Variants in TFG observed in about 807,000 individuals in gnomAD.
TFG encodes trafficking from ER to golgi regulator.
TFG carries 22 observed loss-of-function variants against 51.4 expected under a neutral mutation model. The observed-to-expected ratio is 0.43, with a 90% CI of 0.31 to 0.61. The LOEUF is 0.61. Ranked by LOEUF, TFG falls within the 20% of genes least tolerant of loss-of-function variation. The pLI is 0.12. For synonymous variants in TFG, 187 were observed against 165.6 expected (o/e 1.13, Z -0.99); for missense variants, 419 against 487.7 (o/e 0.86, Z 1.33).
intron 3 of TFG, among the ~76,000 whole-genome samples, chr3:100,720,850 TAC>T (rs1346841829): frequency 6.6e-6 from 1 of 152,240 alleles, no homozygotes; most frequent in African/African-American, 2.4e-5. Context: ...TAGAAAAGAT[TAC>T]AGAGTTAAAT....
At chr3:100,738,725 A>G (rs895464313) in intron 6 of TFG, among the ~76,000 whole-genome samples, 6 of 152,204 alleles carry the variant, frequency 3.9e-5, no homozygotes, top group South Asian at 2.1e-4. Flanking sequence ...AAATTGTACA[A>G]TTAATATGTG....
intron 5 of TFG, 144 bp downstream of exon 5, chr3:100,732,816 T>A: frequency 7.9e-6 from 5 of 631,458 alleles, no homozygotes; most frequent in Non-Finnish European, 1.3e-5. Flanking sequence ...TTTTTACATA[T>A]GTGTACACTT....
At chr3:100,715,134 G>T (rs1407811245) in intron 2 of TFG, among the ~76,000 whole-genome samples, 1 of 152,166 alleles carries the variant, frequency 6.6e-6, no homozygotes. Context: ...ATCACTAACA[G>T]TTTTTTCTCT....
intron 6 of TFG, among the ~76,000 whole-genome samples, chr3:100,741,606 C>T (rs909268235): frequency 1.3e-5 from 2 of 152,022 alleles, no homozygotes; most frequent in Admixed American, 1.3e-4. Context: ...GTAGTATAGC[C>T]TAAGTGTATA....
At chr3:100,735,616 T>C (rs2095104252) in intron 5 of TFG, among the ~76,000 whole-genome samples, 1 of 152,210 alleles carries the variant, frequency 6.6e-6, no homozygotes, top group Non-Finnish European at 1.5e-5. Context: ...AACCTATGCT[T>C]TTAACCACTC....
chr3:100,709,634 T>C lies in TFG; in HGVS notation c.-131T>C, dbSNP rs2095023429. 6.6e-6 allele frequency: 1 copy of C among 150,570 alleles called. No homozygotes were observed. The highest frequency in any genetic ancestry group is 1.5e-5 in the Non-Finnish European group (1 of 67,638). The allele number at this position is 150,570 out of a possible 1,614,324, so 9.3% of individuals were successfully genotyped here. ...AACCGAGGGGGCCGTGACCACCGCC[T>C]CCCCGCGACGCCCCAGTCCAGTGGC... On this transcript the variant is annotated 5_prime_UTR_variant, in exon 1 of 8. Transcript: ENST00000240851.
intron 2 of TFG, among the ~76,000 whole-genome samples, chr3:100,718,504 G>T (rs939201971): frequency 3.4e-5 from 5 of 146,908 alleles, no homozygotes; most frequent in Non-Finnish European, 7.4e-5. Flanking sequence ...AGGTGTCCTC[G>T]TTGTAGTTTG....
rs755364960 is a variant in TFG, at chr3:100,732,721, C to T, written c.580+49C>T. The T allele has an allele frequency of 2.4e-5, 34 of 1,420,372 alleles. No homozygotes were observed. The Admixed American group carries it at 5.4e-4, about 23-fold the overall frequency. 88.0% of individuals were successfully genotyped at this position (1,420,372 alleles called of 1,614,324 possible). On this transcript the variant is annotated intron_variant, in intron 5 of 7. Coordinates refer to ENST00000240851, the MANE Select transcript of TFG (RefSeq NM_006070.6). ...ACACCCTTCGTTTCCTTCATCTTTC[C>T]GTTCTTCCCTTTCCTTCTTTCTTTA...
intron 1 of TFG, chr3:100,710,421 A>G (rs1264406734): frequency 6.6e-6 from 1 of 152,232 alleles, no homozygotes; most frequent in Non-Finnish European, 1.5e-5. Flanking sequence ...CATAGCTAGT[A>G]GTGAGAATCT....
intron 2 of TFG, among the ~76,000 whole-genome samples, 195 bp from the exon 3 acceptor site, chr3:100,719,780 T>A (rs188938237): frequency 1.4e-4 from 22 of 152,314 alleles, no homozygotes; most frequent in East Asian, 7.7e-4. Flanking sequence ...ATAAGAGTAA[T>A]AAGCAAAATT....
chr3:100,731,476 T>G (rs1002144600), intron 4 of TFG, among the ~76,000 whole-genome samples: 1 of 152,184 alleles, frequency 6.6e-6, no homozygotes, highest in African/African-American at 2.4e-5. Context: ...AACATTTTAT[T>G]ATAGAAAAGT....
At chr3:100,747,493 A>C (rs1460124613) in intron 7 of TFG, 2 of 152,694 alleles carry the variant, frequency 1.3e-5, no homozygotes, top group Non-Finnish European at 2.9e-5. Flanking sequence ...TCAGTGAAGC[A>C]GACTTTCGTT....
Position 100,720,014 on chromosome 3 carries a change from C to T in TFG, c.224C>T (p.Ser75Phe). 1 of 1,579,356 alleles carries T rather than the reference C, an allele frequency of 6.3e-7. No individual in the cohort carries two copies. The highest frequency in any genetic ancestry group is 1.2e-5 in the South Asian group (1 of 83,708). Reference sequence around the variant, plus strand: ...ACAATTTTTGATAGTTCTGACCTTTCCTTTGCAATTCAGTGCAGTAGGATA... The same window carrying T: ...ACAATTTTTGATAGTTCTGACCTTTTCTTTGCAATTCAGTGCAGTAGGATA... ...LITIFDSSDL[S>F]FAIQCSRILK... is the part of the protein sequence containing the mutation. Residue 75 changes from serine to phenylalanine, a missense_variant, in exon 3 of 8, where the codon TCC (serine) becomes TTC (phenylalanine). Around this residue, in one of 3 missense-constraint regions of TFG, gnomAD observed 391 missense variants for 434.4 expected, o/e 0.90. Coordinates refer to ENST00000240851, the MANE Select transcript of TFG (RefSeq NM_006070.6).
At chr3:100,731,145 C>T (rs1221818887) in intron 4 of TFG, among the ~76,000 whole-genome samples, 2 of 152,106 alleles carry the variant, frequency 1.3e-5, no homozygotes, top group Non-Finnish European at 2.9e-5. Flanking sequence ...GTATTGATTA[C>T]AGGGGTGATC....
At chr3:100,714,067 A>G (rs918056628) in intron 2 of TFG, among the ~76,000 whole-genome samples, 198 bp downstream of exon 2, 10 of 151,776 alleles carry the variant, frequency 6.6e-5, no homozygotes. Flanking sequence ...CTGACCTTAA[A>G]GTCTTAAGTA....
chr3:100,709,714 G>C lies in TFG; in HGVS notation c.-51G>C, dbSNP rs1294036011. 3 of 150,854 alleles carry C rather than the reference G, an allele frequency of 2.0e-5. No homozygotes were observed. The highest frequency in any genetic ancestry group is 7.3e-5 in the African/African-American group (3 of 41,288). The allele number at this position is 150,854 out of a possible 1,614,324, so 9.3% of individuals were successfully genotyped here. ...CGGAGAGGCGGCGGCCGCGGCCTCCGCAAGCCGGTATGGCCACTGGAGACG... is the reference window on the plus strand; with the variant it reads ...CGGAGAGGCGGCGGCCGCGGCCTCCCCAAGCCGGTATGGCCACTGGAGACG... On this transcript the variant is annotated 5_prime_UTR_variant, in exon 1 of 8. Transcript: ENST00000240851.
chr3:100,720,521 G>A (rs1316760638), intron 3 of TFG, among the ~76,000 whole-genome samples: 1 of 152,194 alleles, frequency 6.6e-6, no homozygotes, highest in Non-Finnish European at 1.5e-5. Context: ...AGAAGGTTTG[G>A]GGATGAAACT....
intron 6 of TFG, 107 bp from the exon 7 acceptor site, chr3:100,744,723 ATTG>A (rs2095130325): frequency 1.5e-6 from 1 of 654,122 alleles, no homozygotes; most frequent in Non-Finnish European, 2.7e-6. Flanking sequence ...TTTCTTGTAT[ATTG>A]TTACTCTGTT....
At chr3:100,729,561 A>C (rs1045454498) in intron 4 of TFG, among the ~76,000 whole-genome samples, 1 of 149,814 alleles carries the variant, frequency 6.7e-6, no homozygotes, top group Non-Finnish European at 1.5e-5. Context: ...AGATTCTTAG[A>C]TGTTGCATTT....
Sources: allele counts gnomAD v4.1 joint callset (sites outside exome capture counted in the v4.1 genomes callset), GRCh38; gene constraint gnomAD v4.1.1; regional missense constraint gnomAD v4.1.1; transcripts MANE v1.5; gene names NCBI Gene and HGNC (gene_info 2026-07-23, HGNC 2026-07-21).